Variants in KAT7 observed in about 807,000 individuals in gnomAD.
The protein encoded by KAT7 is lysine acetyltransferase 7.
In KAT7, 10 loss-of-function variants were observed where a neutral mutation model predicts 82.1. The ratio of observed to expected loss-of-function variants is 0.12; its 90% CI spans 0.08 to 0.21. The LOEUF (loss-of-function observed/expected upper bound fraction) is 0.21. Among genes scored for constraint, KAT7 ranks in the 10% least tolerant of loss-of-function variants. The pLI is 1.00. For synonymous variants in KAT7, 250 were observed against 262.5 expected, an observed-to-expected ratio of 0.95 and a Z score of 0.46; for missense variants, 378 against 760.9, an observed-to-expected ratio of 0.50 and a Z score of 5.92.
At chr17:49,820,181 C>T (rs550692142) in intron 9 of KAT7, among the ~76,000 whole-genome samples, 1 of 151,948 alleles carries the variant, frequency 6.6e-6, no homozygotes, top group East Asian at 1.9e-4. Flanking sequence ...CCCAGGAGTT[C>T]GAGGCTGCAG....
Position 49,832,884 on chromosome 17 carries a change from T to C in KAT7, c.*5382T>C, listed in dbSNP as rs2074435700. The C allele has an allele frequency of 6.6e-6, 1 of 152,270 alleles. No homozygotes were observed. 9.4% of individuals were successfully genotyped at this position (152,270 alleles called of 1,614,324 possible). The stretch of plus-strand genomic sequence containing the variant: ...TTTGCTTTGCTGTTCATTGGGATCA[T>C]GGAATCGGACCTCAGCTGGTTTTGC... On this transcript the variant is annotated 3_prime_UTR_variant, in exon 15 of 15. Coordinates refer to ENST00000259021, the MANE Select transcript of KAT7 (RefSeq NM_007067.5).
At chr17:49,814,392 T>C (rs919079069) in intron 7 of KAT7, among the ~76,000 whole-genome samples, 25 of 152,228 alleles carry the variant, frequency 1.6e-4, no homozygotes, top group Admixed American at 7.9e-4. Flanking sequence ...GTTCACTGTT[T>C]CCATCTGCAA....
intron 6 of KAT7, among the ~76,000 whole-genome samples, chr17:49,811,223 C>G (rs2074160547): frequency 6.6e-6 from 1 of 151,894 alleles, no homozygotes; most frequent in African/African-American, 2.4e-5. Context: ...TCTCCCACCT[C>G]AGCCTCCCGA....
chr17:49,805,612 A>G (rs754242175), intron 5 of KAT7, among the ~76,000 whole-genome samples, 167 bp downstream of exon 5: 3 of 152,216 alleles, frequency 2.0e-5, no homozygotes, highest in Non-Finnish European at 4.4e-5. Context: ...AGAAAAAACT[A>G]GTTAAACAGA....
chr17:49,788,982 T>G (rs1219908459), intron 1 of KAT7, 133 bp downstream of exon 1: 1 of 808,480 alleles, frequency 1.2e-6, no homozygotes, highest in African/African-American at 1.8e-5. Flanking sequence ...CTACCCTCTC[T>G]TCTGTCCATA....
In KAT7 at chr17:49,826,047, C is replaced by A; in HGVS notation, c.1528C>A (p.Pro510Thr). 1 of 1,607,264 alleles carries A rather than the reference C, an allele frequency of 6.2e-7. No individual in the cohort carries two copies. The highest frequency in any genetic ancestry group is 8.5e-7 in the Non-Finnish European group (1 of 1,175,458). ...VEEKVGSPER[P>T]LSDLGLISYR... is the part of the protein sequence containing the mutation. Reference sequence around the variant, plus strand: ...AGAAAAAGTTGGCTCCCCAGAACGTCCACTCTCAGATCTGGGGCTTATAAG... The same window carrying A: ...AGAAAAAGTTGGCTCCCCAGAACGTACACTCTCAGATCTGGGGCTTATAAG... The change falls in exon 13 of 15, where the codon CCA (proline) becomes ACA (threonine). Residue 510 changes from proline to threonine, a missense_variant. Physicochemically the swap from Pro to Thr is conservative, Grantham distance 38. Coordinates refer to ENST00000259021, the MANE Select transcript of KAT7 (RefSeq NM_007067.5).
At chr17:49,810,645 A>G (rs980166674) in intron 6 of KAT7, among the ~76,000 whole-genome samples, 1 of 152,204 alleles carries the variant, frequency 6.6e-6, no homozygotes, top group African/African-American at 2.4e-5. Context: ...AATAAGCATT[A>G]ATTGGAAAAC....
At chr17:49,799,761 T>G (rs2073999957) in intron 4 of KAT7, among the ~76,000 whole-genome samples, 1 of 151,916 alleles carries the variant, frequency 6.6e-6, no homozygotes, top group Admixed American at 6.5e-5. Flanking sequence ...CTCCTAGGCT[T>G]AAGTGATCCT....
chr17:49,825,673 G>C (rs1272979046), intron 12 of KAT7, among the ~76,000 whole-genome samples: 1 of 152,178 alleles, frequency 6.6e-6, no homozygotes, highest in African/African-American at 2.4e-5. Flanking sequence ...TTAAACTGTA[G>C]CATAGATATG....
chr17:49,814,695 G>A (rs952295965), intron 7 of KAT7, among the ~76,000 whole-genome samples: 1 of 151,904 alleles, frequency 6.6e-6, no homozygotes, highest in African/African-American at 2.4e-5. Context: ...TTAAAATGCT[G>A]GCTAGGACTT....
At chr17:49,797,592 C>A (rs1177585862) in intron 3 of KAT7, among the ~76,000 whole-genome samples, 1 of 152,168 alleles carries the variant, frequency 6.6e-6, no homozygotes, top group Non-Finnish European at 1.5e-5. Flanking sequence ...TTCTAGCTGT[C>A]CGCATGGTTG....
chr17:49,818,809 G>A (rs143174566), intron 9 of KAT7, among the ~76,000 whole-genome samples: 1 of 151,878 alleles, frequency 6.6e-6, no homozygotes, highest in African/African-American at 2.4e-5. Flanking sequence ...CGCGATCTTG[G>A]CTCACTGCAA....
At chr17:49,802,964 A>G (rs2074043165) in intron 4 of KAT7, among the ~76,000 whole-genome samples, 1 of 152,090 alleles carries the variant, frequency 6.6e-6, no homozygotes. Context: ...TCTTGGAATC[A>G]CATAGTCCTC....
chr17:49,819,306 G>A (rs894861687), intron 9 of KAT7, among the ~76,000 whole-genome samples: 2 of 152,176 alleles, frequency 1.3e-5, no homozygotes, highest in South Asian at 4.1e-4. Flanking sequence ...ACACTTGACT[G>A]CATAGGGCTA....
intron 3 of KAT7, among the ~76,000 whole-genome samples, chr17:49,797,441 G>A (rs542025440): frequency 9.5e-4 from 144 of 152,170 alleles, no homozygotes; most frequent in Non-Finnish European, 2.4e-4. Flanking sequence ...ATATTAAATC[G>A]TACCTGTAAT....
At chr17:49,794,191 A>C in intron 2 of KAT7, among the ~76,000 whole-genome samples, 1 of 152,218 alleles carries the variant, frequency 6.6e-6, no homozygotes, top group East Asian at 1.9e-4. Context: ...ATGGGAATAC[A>C]TTATGGCAAG....
At chr17:49,810,213 G>C (rs1178547183) in intron 6 of KAT7, among the ~76,000 whole-genome samples, 1 of 152,102 alleles carries the variant, frequency 6.6e-6, no homozygotes, top group Non-Finnish European at 1.5e-5. Flanking sequence ...TCCATAAGTG[G>C]TAACTACACT....
In KAT7 at chr17:49,832,959, T is replaced by C. The variant is rs572643240; in HGVS notation, c.*5457T>C. On this transcript the variant is annotated 3_prime_UTR_variant, in exon 15 of 15. Coordinates refer to ENST00000259021, the MANE Select transcript of KAT7 (RefSeq NM_007067.5). ...ATGTGTGACTGCCTCCTCCAGACTG[T>C]TTCCTGCTGATAGGGGCAGTTTAAT... 15 of 152,328 alleles carry C rather than the reference T, an allele frequency of 9.8e-5. No homozygotes were observed. The highest frequency in any genetic ancestry group is 3.1e-4 in the African/African-American group (13 of 41,570). The allele number at this position is 152,328 out of a possible 1,614,324, so 9.4% of individuals were successfully genotyped here. A position where few individuals can be genotyped will look rare whatever the true frequency, so the allele number is the denominator to read the frequency against.
chr17:49,801,377 G>T (rs1482828714), intron 4 of KAT7, among the ~76,000 whole-genome samples: 2 of 152,096 alleles, frequency 1.3e-5, no homozygotes, highest in Non-Finnish European at 2.9e-5. Flanking sequence ...GTAGAGACAG[G>T]GCTTTGTCAT....
Sources: allele counts gnomAD v4.1 joint callset (sites outside exome capture counted in the v4.1 genomes callset), GRCh38; gene constraint gnomAD v4.1.1; transcripts MANE v1.5; gene names NCBI Gene and HGNC (gene_info 2026-07-23, HGNC 2026-07-21).